ASAP1: variants seen among roughly 807,000 people sequenced by gnomAD.
ASAP1 encodes arf-GAP with SH3 domain, ANK repeat and PH domain-containing protein 1.
In ASAP1, 43 loss-of-function variants were observed where a neutral mutation model predicts 145.2. That is an observed-to-expected ratio of 0.30 (90% CI 0.23 to 0.38). ASAP1 has a LOEUF of 0.38. Ranked by LOEUF, ASAP1 falls within the 10% of genes least tolerant of loss-of-function variation. The pLI, the probability that ASAP1 is intolerant of heterozygous loss-of-function variation, is 1.00. For missense variants in ASAP1, 1,018 were observed against 1,355.3 expected (o/e 0.75, Z 3.91); for synonymous variants, 546 against 515.5 (o/e 1.06, Z -0.80).
chr8:130,288,632 G>T (rs746101974), intron 3 of ASAP1, among the ~76,000 whole-genome samples: 2 of 152,198 alleles, frequency 1.3e-5, no homozygotes, highest in Non-Finnish European at 2.9e-5. Flanking sequence ...CAAATGTGAA[G>T]GAGACTCTGT....
intron 24 of ASAP1, among the ~76,000 whole-genome samples, chr8:130,102,243 C>T (rs1260542475): frequency 2.0e-5 from 3 of 152,102 alleles, no homozygotes; most frequent in Non-Finnish European, 4.4e-5. Flanking sequence ...TTGTCACATA[C>T]GGCCTTTATT....
At chr8:130,228,819 T>C (rs1817740753) in intron 4 of ASAP1, among the ~76,000 whole-genome samples, 1 of 152,148 alleles carries the variant, frequency 6.6e-6, no homozygotes, top group Non-Finnish European at 1.5e-5. Flanking sequence ...TATTATTTTT[T>C]TTTCTTTTAG....
chr8:130,181,384 G>A (rs1586535057), intron 7 of ASAP1, among the ~76,000 whole-genome samples: 1 of 152,142 alleles, frequency 6.6e-6, no homozygotes, highest in Non-Finnish European at 1.5e-5. Context: ...ATTGGGTAAA[G>A]CACTTTATAA....
intron 27 of ASAP1, among the ~76,000 whole-genome samples, chr8:130,061,575 TTTA>T (rs1447681792): frequency 6.6e-6 from 1 of 152,240 alleles, no homozygotes; most frequent in Admixed American, 6.5e-5. Flanking sequence ...TGTATCATAA[TTTA>T]TTATTATTTC....
chr8:130,077,599 G>A (rs1036058708), intron 26 of ASAP1, among the ~76,000 whole-genome samples: 3 of 131,986 alleles, frequency 2.3e-5, no homozygotes, highest in African/African-American at 8.6e-5. Flanking sequence ...AGGCTGGAGT[G>A]CAGTGGCACG....
chr8:130,220,511 A>C (rs186140828), intron 4 of ASAP1, among the ~76,000 whole-genome samples: 1,539 of 152,332 alleles, frequency 0.01, 13 homozygotes, highest in Admixed American at 0.021. Flanking sequence ...CCACTTCGGC[A>C]TAACAATTAT....
At chr8:130,354,837 G>A (rs925978204) in intron 3 of ASAP1, among the ~76,000 whole-genome samples, 21 of 152,112 alleles carry the variant, frequency 1.4e-4, no homozygotes, top group Middle Eastern at 3.2e-3. Context: ...GTGACCCTTC[G>A]CCCCAAAAGG....
chr8:130,426,801 T>A (rs1246175274), intron 1 of ASAP1, among the ~76,000 whole-genome samples: 1 of 152,144 alleles, frequency 6.6e-6, no homozygotes, highest in Non-Finnish European at 1.5e-5. Flanking sequence ...CTCCCCAGCA[T>A]GCCCCAGCCT....
intron 13 of ASAP1, among the ~76,000 whole-genome samples, chr8:130,143,279 T>C (rs2097617136): frequency 6.6e-6 from 1 of 152,142 alleles, no homozygotes; most frequent in Non-Finnish European, 1.5e-5. Flanking sequence ...ATAAAACACA[T>C]TCATAGAAGA....
intron 2 of ASAP1, among the ~76,000 whole-genome samples, chr8:130,378,563 G>C (rs537949382): frequency 6.6e-6 from 1 of 152,210 alleles, no homozygotes; most frequent in Non-Finnish European, 1.5e-5. Context: ...GGAGGGATTG[G>C]AGCTGAGGTC....
intron 24 of ASAP1, among the ~76,000 whole-genome samples, chr8:130,108,081 C>T (rs1382126965): frequency 6.6e-6 from 1 of 152,192 alleles, no homozygotes; most frequent in Non-Finnish European, 1.5e-5. Flanking sequence ...TCAATTTTCT[C>T]TGTGGCACCA....
chr8:130,432,790 G>A (rs1300939799), intron 1 of ASAP1, among the ~76,000 whole-genome samples: 1 of 152,160 alleles, frequency 6.6e-6, no homozygotes, highest in Non-Finnish European at 1.5e-5. Flanking sequence ...CCCACTGCCA[G>A]GCAATTTCCC....
chr8:130,400,535 T>TC (rs368319615), intron 2 of ASAP1, among the ~76,000 whole-genome samples: 2,548 of 150,798 alleles, frequency 0.017, 74 homozygotes, highest in African/African-American at 0.058. Flanking sequence ...ACGCCTGTAA[T>TC]CCAGCACTTT....
intron 1 of ASAP1, among the ~76,000 whole-genome samples, chr8:130,405,740 C>T (rs78443800): frequency 1.3e-5 from 2 of 152,314 alleles, no homozygotes; most frequent in South Asian, 2.1e-4. Flanking sequence ...TGAACTAATT[C>T]GAAGTAGGTT....
At chr8:130,201,711 C>T (rs923754104) in intron 5 of ASAP1, among the ~76,000 whole-genome samples, 128 of 152,298 alleles carry the variant, frequency 8.4e-4, no homozygotes, top group African/African-American at 3.0e-3. Flanking sequence ...TATCCCTATC[C>T]TAAGGATTTC....
rs147035297 is a variant in ASAP1 at position 130,227,215 on chromosome 8, T to C, written c.259+9707A>G. On this transcript the variant is annotated intron_variant, in intron 4 of 29. Transcript: ENST00000518721. The stretch of plus-strand genomic sequence containing the variant: ...CTGCTAATGAGGTGGTAGCCTACGA[T>C]AGGACTCAGCCTGAGCAGCTACCCT... 1.1e-3 allele frequency among the ~76,000 whole-genome samples: 170 copies of C among 152,270 alleles called. 2 individuals are homozygous for C. The highest frequency in any genetic ancestry group is 3.5e-3 in the African/African-American group (146 of 41,554).
intron 3 of ASAP1, among the ~76,000 whole-genome samples, chr8:130,257,596 G>A (rs920427973): frequency 6.6e-6 from 1 of 151,998 alleles, no homozygotes; most frequent in Non-Finnish European, 1.5e-5. Context: ...CAAAATCTGT[G>A]CCCAACTAGC....
intron 1 of ASAP1, among the ~76,000 whole-genome samples, chr8:130,418,633 T>G (rs1272685650): frequency 1.3e-5 from 2 of 151,954 alleles, no homozygotes; most frequent in South Asian, 2.1e-4. Context: ...AACCATCACC[T>G]CAAAATGAAA....
intron 27 of ASAP1, 118 bp downstream of exon 27, chr8:130,076,230 A>G: frequency 1.6e-6 from 1 of 623,326 alleles, no homozygotes; most frequent in Non-Finnish European, 2.8e-6. Flanking sequence ...ACTACATGCC[A>G]GGTGCTGCTC....
Sources: gnomAD v4.1 joint callset for allele counts (sites outside exome capture counted in the v4.1 genomes callset) on GRCh38, gnomAD v4.1.1 for gene constraint, MANE v1.5 for transcripts, NCBI Gene and HGNC (gene_info 2026-07-23, HGNC 2026-07-21) for gene names.